RHOQ: variants seen among roughly 807,000 people sequenced by gnomAD.
RHOQ encodes the protein ras homolog family member Q, also known as rho-related GTP-binding protein RhoQ.
A neutral mutation model predicts 25.8 loss-of-function variants in RHOQ; 7 were observed. That is an observed-to-expected ratio of 0.27 (90% confidence interval 0.15 to 0.51). The LOEUF (loss-of-function observed/expected upper bound fraction) is 0.51, where lower values mean the gene tolerates loss of function less well. RHOQ is among the 20% of genes least tolerant of loss of function. The pLI, the probability that RHOQ is intolerant of heterozygous loss-of-function variation, is 0.97. For missense variants in RHOQ, 165 were observed against 260.6 expected, an observed-to-expected ratio of 0.63 and a Z score of 2.53; for synonymous variants, 97 against 98.6, an observed-to-expected ratio of 0.98 and a Z score of 0.10.
intron 2 of RHOQ, among the ~76,000 whole-genome samples, chr2:46,557,865 T>A (rs1668452256): frequency 6.6e-6 from 1 of 152,232 alleles, no homozygotes; most frequent in Non-Finnish European, 1.5e-5. Context: ...ACACATATCT[T>A]CCACTTCCTA....
chr2:46,564,263 C>A (rs1668661663), intron 2 of RHOQ, among the ~76,000 whole-genome samples: 1 of 152,200 alleles, frequency 6.6e-6, no homozygotes, highest in African/African-American at 2.4e-5. Flanking sequence ...CACGATCGCA[C>A]CACTGCACAC....
rs1358198815 is a variant in RHOQ, at chr2:46,581,828, A to G, written c.*745A>G. 1 of 414,672 alleles carries G rather than the reference A, an allele frequency of 2.4e-6. No homozygotes were observed. Among genetic ancestry groups the G allele is most frequent in the Non-Finnish European group, 4.1e-6 (1 of 246,294 alleles). 25.7% of individuals were successfully genotyped at this position (414,672 alleles called of 1,614,324 possible). A position where few individuals can be genotyped will look rare whatever the true frequency, so the allele number is the denominator to read the frequency against. On this transcript the variant is annotated 3_prime_UTR_variant, in exon 5 of 5. Transcript: ENST00000238738. ...TGTAGATTTAGTTTGACGCTCCCCAAAGTGCATGAGACACATGCTAAAATT... is the reference window on the plus strand; with the variant it reads ...TGTAGATTTAGTTTGACGCTCCCCAGAGTGCATGAGACACATGCTAAAATT...
chr2:46,576,808 C>A lies in RHOQ; in HGVS notation c.462+152C>A. On this transcript the variant is annotated intron_variant, in intron 4 of 4. Coordinates refer to ENST00000238738, the MANE Select transcript of RHOQ (RefSeq NM_012249.4). The surrounding 1 kb of genome is among the most constrained non-coding windows in gnomAD (Gnocchi z 5.1). ...CTTGCATGAACTCAGTGAGGTAGGT[C>A]TGTTTCCCCTGTTACACAGAAGAGA... 1 of 518,604 alleles carries A rather than the reference C, an allele frequency of 1.9e-6. No individual in the cohort carries two copies. The highest frequency in any genetic ancestry group is 3.4e-6 in the Non-Finnish European group (1 of 290,296). The allele number at this position is 518,604 out of a possible 1,614,324, so 32.1% of individuals were successfully genotyped here. A position where few individuals can be genotyped will look rare whatever the true frequency, so the allele number is the denominator to read the frequency against.
At chr2:46,560,425 A>T (rs992924940) in intron 2 of RHOQ, 1 of 341,118 alleles carries the variant, frequency 2.9e-6, no homozygotes, top group East Asian at 7.6e-5. Flanking sequence ...CTTTTTTTAT[A>T]GTTAGAAACA....
rs1668424421 is a variant in RHOQ at position 46,556,834 on chromosome 2, G to A, written c.201+13022G>A. 6.6e-6 allele frequency among the ~76,000 whole-genome samples: 1 copy of A among 152,140 alleles called. No individual in the cohort carries two copies. The highest frequency in any genetic ancestry group is 2.4e-5 in the African/African-American group (1 of 41,402). ...GACCTGAGCTTCCCAGATAGGCAAG[G>A]TTTCTGTGGGGCCGTTTAGATTCAG... On this transcript the variant is annotated intron_variant, in intron 2 of 4. Transcript: ENST00000238738. The surrounding 1 kb of genome is among the most constrained non-coding windows in gnomAD (Gnocchi z 4.9).
At chr2:46,560,462 G>T in intron 2 of RHOQ, 1 of 403,404 alleles carries the variant, frequency 2.5e-6, no homozygotes. Context: ...AGTTATAGTG[G>T]TGGATATTCT....
Position 46,576,265 on chromosome 2 carries a change from G to T in RHOQ, c.366+14G>T, listed in dbSNP as rs760278029. The stretch of plus-strand genomic sequence containing the variant: ...ATAGGAACTCAGGTATGTCTGGTTT[G>T]ATTTTCTGCATTTTAGAATAAGCTC... On this transcript the variant is annotated intron_variant, in intron 3 of 4. Coordinates refer to ENST00000238738, the MANE Select transcript of RHOQ (RefSeq NM_012249.4). The surrounding 1 kb of genome is among the most constrained non-coding windows in gnomAD (Gnocchi z 5.1). The T allele has an allele frequency of 6.3e-7, 1 of 1,599,660 alleles. No individual in the cohort carries two copies. Among genetic ancestry groups the T allele is most frequent in the Non-Finnish European group, 8.5e-7 (1 of 1,172,514 alleles).
chr2:46,565,733 T>A (rs553750186), intron 2 of RHOQ, among the ~76,000 whole-genome samples: 1 of 152,358 alleles, frequency 6.6e-6, no homozygotes, highest in East Asian at 1.9e-4. Context: ...CACCTTCCCA[T>A]GAGCTACCGT....
At chr2:46,568,607 T>C (rs1375801179) in intron 2 of RHOQ, 1 of 152,230 alleles carries the variant, frequency 6.6e-6, no homozygotes, top group Non-Finnish European at 1.5e-5. Flanking sequence ...TCACTAGTCA[T>C]GCGGGCCTGG....
rs1357699621 is a variant in RHOQ at position 46,548,290 on chromosome 2, A to G, written c.201+4478A>G. ...CCTGCATGCCCTCTGGGTGCCCACA[A>G]GGCACTTCCCCTACAGAAGGGAATC... On this transcript the variant is annotated intron_variant, in intron 2 of 4. Coordinates refer to ENST00000238738, the MANE Select transcript of RHOQ (RefSeq NM_012249.4). This position sits in a 1 kb window ranked among gnomAD's most constrained non-coding sequence, Gnocchi z 5.2. Among the ~76,000 whole-genome samples the G allele has an allele frequency of 3.3e-5, 5 of 152,130 alleles. No individual in the cohort carries two copies. Among genetic ancestry groups the G allele is most frequent in the Non-Finnish European group, 7.3e-5 (5 of 68,028 alleles).
chr2:46,543,767 G>C lies in RHOQ; in HGVS notation c.156G>C (p.Val52=). ...VFDHYAVSVT[V]GGKQYLLGLY... is the part of the protein sequence containing the mutation. ...CTGTCCTTGCAGTCAGCGTCACCGT[G>C]GGGGGCAAGCAGTACCTCCTAGGAC... Residue 52 remains valine (V), a synonymous_variant, in exon 2 of 5, where the codon GTG becomes GTC. Transcript: ENST00000238738. The C allele has an allele frequency of 6.2e-7, 1 of 1,613,640 alleles. No individual in the cohort carries two copies. Among genetic ancestry groups the C allele is most frequent in the Non-Finnish European group, 8.5e-7 (1 of 1,179,788 alleles).
intron 2 of RHOQ, among the ~76,000 whole-genome samples, chr2:46,550,052 C>T (rs955322305): frequency 1.3e-5 from 2 of 151,794 alleles, no homozygotes; most frequent in Non-Finnish European, 2.9e-5. Context: ...CACAACAAGA[C>T]CCCCAATTCT....
chr2:46,572,658 T>TA (rs1317982052), intron 2 of RHOQ: 4 of 401,762 alleles, frequency 1.0e-5, no homozygotes, highest in Non-Finnish European at 2.0e-5. Context: ...ATGTTCTAGT[T>TA]ACCATGCTGA....
chr2:46,579,211 T>A (rs866499574), intron 4 of RHOQ, among the ~76,000 whole-genome samples: 91 of 152,354 alleles, frequency 6.0e-4, no homozygotes, highest in African/African-American at 2.1e-3. Flanking sequence ...TCAGTTGGAC[T>A]CTCTTGGTTT....
rs149968576 is a variant in RHOQ, at chr2:46,556,967, A to G, written c.201+13155A>G. On this transcript the variant is annotated intron_variant, in intron 2 of 4. Transcript: ENST00000238738. The surrounding 1 kb of genome is among the most constrained non-coding windows in gnomAD (Gnocchi z 4.9). ...GAGGTTGCCAAAGAGTTAATCTACC[A>G]TGTAGCCCCAGTGGAAAAATGGACA... is the stretch of plus-strand genomic sequence containing the variant. Among the ~76,000 whole-genome samples, 558 of 152,320 alleles carry G rather than the reference A, an allele frequency of 3.7e-3. 3 individuals are homozygous for G. Among genetic ancestry groups the G allele is most frequent in the South Asian group, 8.5e-3 (41 of 4,828 alleles).
intron 2 of RHOQ, among the ~76,000 whole-genome samples, chr2:46,560,909 C>G (rs1320247957): frequency 3.3e-5 from 5 of 151,628 alleles, no homozygotes; most frequent in Non-Finnish European, 7.4e-5. Context: ...TTACAGATGA[C>G]TAATAACAAT....
chr2:46,565,042 C>T (rs943273655), intron 2 of RHOQ, among the ~76,000 whole-genome samples: 5 of 152,036 alleles, frequency 3.3e-5, no homozygotes, highest in African/African-American at 7.3e-5. Context: ...AGGTGGGGAG[C>T]AGCTGCAGGA....
intron 2 of RHOQ, among the ~76,000 whole-genome samples, chr2:46,549,260 G>C (rs1445854881): frequency 6.6e-6 from 1 of 152,176 alleles, no homozygotes; most frequent in African/African-American, 2.4e-5. Flanking sequence ...ACAGCCTAAG[G>C]GGGTTGAGCA....
Position 46,582,753 on chromosome 2 carries a change from A to G in RHOQ, c.*1670A>G, listed in dbSNP as rs1459243164. 2 of 152,628 alleles carry G rather than the reference A, an allele frequency of 1.3e-5. No homozygotes were observed. The highest frequency in any genetic ancestry group is 2.9e-5 in the Non-Finnish European group (2 of 68,028). The allele number at this position is 152,628 out of a possible 1,614,324, so 9.5% of individuals were successfully genotyped here. A position where few individuals can be genotyped will look rare whatever the true frequency, so the allele number is the denominator to read the frequency against. Reference sequence around the variant, plus strand: ...TTGAAAATGACAGCCTTAAATGCTCATATCAGTCACAAATCTAGGATGTAC... The same window carrying G: ...TTGAAAATGACAGCCTTAAATGCTCGTATCAGTCACAAATCTAGGATGTAC... On this transcript the variant is annotated 3_prime_UTR_variant, in exon 5 of 5. Transcript: ENST00000238738.
Sources: gnomAD v4.1 joint callset for allele counts (sites outside exome capture counted in the v4.1 genomes callset) on GRCh38, gnomAD v4.1.1 for gene constraint, Gnocchi (gnomAD v3.1) non-coding constraint, MANE v1.5 for transcripts, NCBI Gene and HGNC (gene_info 2026-07-23, HGNC 2026-07-21) for gene names.